Variants in NSUN3 observed in about 807,000 individuals in gnomAD.
NSUN3 encodes the protein NOP2/Sun RNA methyltransferase 3.
A neutral mutation model predicts 36.8 loss-of-function variants in NSUN3; 24 were observed. The ratio of observed to expected loss-of-function variants is 0.65; its 90% CI spans 0.47 to 0.92. The LOEUF (loss-of-function observed/expected upper bound fraction) is 0.92. Ranked by LOEUF, NSUN3 falls within the 40% of genes least tolerant of loss-of-function variation. The pLI, the probability that NSUN3 is intolerant of heterozygous loss-of-function variation, is 0.00. For missense variants in NSUN3, 381 were observed against 392.8 expected, an observed-to-expected ratio of 0.97 and a Z score of 0.25; for synonymous variants, 146 against 145.2, an observed-to-expected ratio of 1.01 and a Z score of -0.04.
chr3:94,093,274 G>A (rs1220791160), intron 3 of NSUN3, among the ~76,000 whole-genome samples: 4 of 151,642 alleles, frequency 2.6e-5, no homozygotes, highest in Non-Finnish European at 5.9e-5. Context: ...GCATGTCCCT[G>A]TGGAGACACT....
At chr3:94,118,609 T>C (rs973855829) in intron 5 of NSUN3, among the ~76,000 whole-genome samples, 1 of 152,090 alleles carries the variant, frequency 6.6e-6, no homozygotes, top group Non-Finnish European at 1.5e-5. Flanking sequence ...CCATAGCTCA[T>C]TTGGACAGGT....
intron 5 of NSUN3, 101 bp from the exon 6 acceptor site, chr3:94,126,110 A>C: frequency 1.1e-6 from 1 of 917,794 alleles, no homozygotes; most frequent in Non-Finnish European, 1.6e-6. Flanking sequence ...AGTCTAAGTC[A>C]GAGTAAGGTT....
chr3:94,084,526 G>A, intron 3 of NSUN3, 76 bp downstream of exon 3: 2 of 1,132,718 alleles, frequency 1.8e-6, no homozygotes, highest in Non-Finnish European at 2.5e-6. Flanking sequence ...AGTATATATG[G>A]GGAGAAACGT....
chr3:94,065,824 A>G (rs140890740), intron 2 of NSUN3, among the ~76,000 whole-genome samples: 1 of 152,356 alleles, frequency 6.6e-6, no homozygotes, highest in African/African-American at 2.4e-5. Flanking sequence ...TCAGTATACA[A>G]AGGTACTCAA....
intron 5 of NSUN3, among the ~76,000 whole-genome samples, chr3:94,115,468 A>G (rs1476382931): frequency 1.3e-5 from 2 of 152,178 alleles, no homozygotes; most frequent in Admixed American, 6.5e-5. Flanking sequence ...TAATCATAGT[A>G]TATTGGGGCT....
chr3:94,113,445 C>G (rs2077426591), intron 5 of NSUN3, among the ~76,000 whole-genome samples: 1 of 152,042 alleles, frequency 6.6e-6, no homozygotes, highest in South Asian at 2.1e-4. Flanking sequence ...ACATATAACA[C>G]ACTTAACGTC....
chr3:94,089,210 G>A (rs1471672780), intron 3 of NSUN3, among the ~76,000 whole-genome samples: 1 of 152,058 alleles, frequency 6.6e-6, no homozygotes, highest in Admixed American at 6.6e-5. Flanking sequence ...CAGGTAATCA[G>A]GCATGAGTGG....
At chr3:94,106,357 A>AAAAC (rs1471492112) in intron 5 of NSUN3, among the ~76,000 whole-genome samples, 1 of 152,200 alleles carries the variant, frequency 6.6e-6, no homozygotes, top group Non-Finnish European at 1.5e-5. Context: ...GGTATCTCTG[A>AAAAC]AAACGGCAAG....
intron 5 of NSUN3, among the ~76,000 whole-genome samples, chr3:94,110,735 TAC>T (rs145414941): frequency 0.065 from 9,183 of 142,366 alleles, 586 homozygotes; most frequent in African/African-American, 0.17. Context: ...TATACATGTA[TAC>T]ACACACACAC....
intron 5 of NSUN3, among the ~76,000 whole-genome samples, chr3:94,111,060 C>A (rs1244496672): frequency 2.0e-5 from 3 of 152,124 alleles, no homozygotes; most frequent in African/African-American, 7.2e-5. Flanking sequence ...TACTACACAC[C>A]TAGGCTATAT....
chr3:94,128,573 G>GTA lies in NSUN3; in HGVS notation c.*2084_*2085insAT, dbSNP rs1481836647. 2.0e-5 allele frequency: 3 copies of GTA among 146,766 alleles called. No homozygotes were observed. Among genetic ancestry groups the GTA allele is most frequent in the Non-Finnish European group, 4.5e-5 (3 of 67,124 alleles). The allele number at this position is 146,766 out of a possible 1,614,324, so 9.1% of individuals were successfully genotyped here. ...GATGCACGTGTGTGTGTGTGTGTGT[G>GTA]TGTGTGTGTGTATATATATATATAT... is the stretch of plus-strand genomic sequence containing the variant. On this transcript the variant is annotated 3_prime_UTR_variant, in exon 6 of 6. Transcript: ENST00000314622.
rs1397384631 is a variant in NSUN3, at chr3:94,128,053, C to G, written c.*1563C>G. The G allele has an allele frequency of 1.3e-5, 2 of 152,028 alleles. No homozygotes were observed. The highest frequency in any genetic ancestry group is 1.5e-5 in the Non-Finnish European group (1 of 68,028). 9.4% of individuals were successfully genotyped at this position (152,028 alleles called of 1,614,324 possible). A position where few individuals can be genotyped will look rare whatever the true frequency, so the allele number is the denominator to read the frequency against. On this transcript the variant is annotated 3_prime_UTR_variant, in exon 6 of 6. Coordinates refer to ENST00000314622, the MANE Select transcript of NSUN3 (RefSeq NM_022072.5). ...CCTGCCCAACATGGTAAAACCCCGACTCTACTAAAAATGCAAAAAAATTAG... is the reference window on the plus strand; with the variant it reads ...CCTGCCCAACATGGTAAAACCCCGAGTCTACTAAAAATGCAAAAAAATTAG...
At chr3:94,077,205 G>C (rs1025139426) in intron 2 of NSUN3, 8 of 674,140 alleles carry the variant, frequency 1.2e-5, no homozygotes, top group Middle Eastern at 4.1e-4. Flanking sequence ...GAATACTGGA[G>C]TCGGGTGTTG....
chr3:94,081,727 CCTTT>C (rs916159253), intron 2 of NSUN3: 2 of 152,060 alleles, frequency 1.3e-5, no homozygotes, highest in African/African-American at 2.4e-5. Flanking sequence ...CAGGATTTAA[CCTTT>C]CTAAGAGATA....
intron 5 of NSUN3, among the ~76,000 whole-genome samples, chr3:94,110,277 T>G (rs555370491): frequency 3.0e-4 from 45 of 152,080 alleles, no homozygotes; most frequent in African/African-American, 1.0e-3. Flanking sequence ...AGTGATAACT[T>G]TCAGTGATAG....
intron 3 of NSUN3, among the ~76,000 whole-genome samples, chr3:94,088,910 C>T (rs1252780206): frequency 6.6e-6 from 1 of 152,150 alleles, no homozygotes. Context: ...CTCAGGCGAT[C>T]CACCGGCCTC....
chr3:94,122,347 C>T (rs1288506321), intron 5 of NSUN3, among the ~76,000 whole-genome samples: 1 of 152,140 alleles, frequency 6.6e-6, no homozygotes, highest in African/African-American at 2.4e-5. Flanking sequence ...TCTTAGTCCT[C>T]AGAGGCAATT....
intron 1 of NSUN3, 198 bp downstream of exon 1, chr3:94,063,336 C>A: frequency 1.6e-6 from 1 of 608,688 alleles, no homozygotes; most frequent in Non-Finnish European, 3.0e-6. Context: ...CCGTCCAGCT[C>A]GCAGACTTCT....
At chr3:94,119,614 G>T (rs1366718610) in intron 5 of NSUN3, among the ~76,000 whole-genome samples, 1 of 152,068 alleles carries the variant, frequency 6.6e-6, no homozygotes, top group Admixed American at 6.6e-5. Context: ...CAGGGATTGG[G>T]GTCCTCTGAT....
Sources: gnomAD v4.1 joint callset for allele counts (sites outside exome capture counted in the v4.1 genomes callset) on GRCh38, gnomAD v4.1.1 for gene constraint, MANE v1.5 for transcripts, NCBI Gene and HGNC (gene_info 2026-07-23, HGNC 2026-07-21) for gene names.